Variants in ATP6V0A4 observed in about 807,000 individuals in gnomAD.
ATP6V0A4 encodes the protein ATPase H+ transporting V0 subunit a4.
In ATP6V0A4, 86 loss-of-function variants were observed where a neutral mutation model predicts 107.3. That is an observed-to-expected ratio of 0.80 (90% CI 0.67 to 0.96). ATP6V0A4 has a LOEUF of 0.96. Ranked by LOEUF, ATP6V0A4 falls within the 40% of genes least tolerant of loss-of-function variation. The probability of loss-of-function intolerance (pLI) is 0.00; values close to 1 mark genes in which losing one functional copy is unlikely to be tolerated. For synonymous variants in ATP6V0A4, 353 were observed against 381.4 expected (o/e 0.93, Z 0.87); for missense variants, 908 against 1,045.6 (o/e 0.87, Z 1.81).
chr7:138,746,108 A>G (rs1805941640), intron 13 of ATP6V0A4, among the ~76,000 whole-genome samples: 1 of 101,140 alleles, frequency 9.9e-6, no homozygotes, highest in Admixed American at 1.2e-4. Flanking sequence ...ACTGAAGTGC[A>G]AGCAAGGCCT....
intron 21 of ATP6V0A4, among the ~76,000 whole-genome samples, chr7:138,707,169 T>TA (rs1803430094): frequency 3.1e-5 from 2 of 64,472 alleles, no homozygotes; most frequent in South Asian, 7.0e-4. Flanking sequence ...TAATATATTA[T>TA]ATATATTATA....
chr7:138,722,008 G>A lies in ATP6V0A4; in HGVS notation c.2028C>T (p.Ile676=). 6.2e-7 allele frequency: 1 copy of A among 1,614,158 alleles called. No individual in the cohort carries two copies. Among genetic ancestry groups the A allele is most frequent in the Non-Finnish European group, 8.5e-7 (1 of 1,180,038 alleles). ...CAATGTTCTCAGTGGCATCTTCTTG[G>A]ATCCTGGATGCCTGCAGCTGACAAC... ...HRKSQLQASR[I]QEDATENIEG... The change falls in exon 19 of 22, where the codon ATC becomes ATT. Residue 676 remains isoleucine, a synonymous_variant. Coordinates refer to ENST00000310018, the MANE Select transcript of ATP6V0A4 (RefSeq NM_020632.3).
At chr7:138,741,227 C>T (rs1461709585) in intron 14 of ATP6V0A4, among the ~76,000 whole-genome samples, 2 of 152,098 alleles carry the variant, frequency 1.3e-5, no homozygotes, top group Non-Finnish European at 2.9e-5. Flanking sequence ...CCCAGAAATA[C>T]ACTCCCTCCC....
chr7:138,707,066 A>ATGTGTGTGTGTGTGTG lies in ATP6V0A4; in HGVS notation c.2430-350_2430-349insCACACACACACACACA, dbSNP rs1178080469. ...ATATACCACCATGCCTAGCTAATTT[A>ATGTGTGTGTGTGTGTG]TATGTGTGTGTGTGTGTGTGTGTGT... On this transcript the variant is annotated intron_variant, in intron 21 of 21. Coordinates refer to ENST00000310018, the MANE Select transcript of ATP6V0A4 (RefSeq NM_020632.3). 1.2e-4 allele frequency among the ~76,000 whole-genome samples: 6 copies of ATGTGTGTGTGTGTGTG among 51,116 alleles called. No individual in the cohort carries two copies. The South Asian group carries it at 1.6e-3, about 14-fold the overall frequency. The allele number at this position is 51,116 out of a possible 152,430, so 33.5% of individuals were successfully genotyped here. A position where few individuals can be genotyped will look rare whatever the true frequency, so the allele number is the denominator to read the frequency against.
chr7:138,774,661 A>G (rs1465134028), intron 2 of ATP6V0A4, among the ~76,000 whole-genome samples: 1 of 147,100 alleles, frequency 6.8e-6, no homozygotes, highest in African/African-American at 2.5e-5. Flanking sequence ...TATATATTAT[A>G]TATTATATAC....
chr7:138,753,403 T>G (rs1806334126), intron 10 of ATP6V0A4, among the ~76,000 whole-genome samples: 1 of 152,240 alleles, frequency 6.6e-6, no homozygotes. Context: ...TGCTGACGCC[T>G]TGATTTCAGA....
chr7:138,798,170 C>T lies in ATP6V0A4; in HGVS notation c.-257G>A, dbSNP rs1332475681. On this transcript the variant is annotated 5_prime_UTR_variant, in exon 1 of 22. The change creates a new upstream start codon in the 5' untranslated region. Transcript: ENST00000310018. ...TCAGCCTGGCCTTTGCCTCCCTCCA[C>T]TCGGCTTGCTCGGCAGGTAGCGTTA... The T allele has an allele frequency of 1.9e-6, 3 of 1,594,566 alleles. No individual in the cohort carries two copies. The highest frequency in any genetic ancestry group is 1.3e-5 in the African/African-American group (1 of 74,588).
Position 138,769,258 on chromosome 7 carries a change from G to T in ATP6V0A4, c.118-7C>A. 1 of 1,611,374 alleles carries T rather than the reference G, an allele frequency of 6.2e-7. No homozygotes were observed. On this transcript the variant is annotated splice_region_variant and splice_polypyrimidine_tract_variant and intron_variant, in intron 3 of 21. Transcript: ENST00000310018. ...TGTTCACATTCATATTTAACTATGG[G>T]GGCGAAAATCACAAGATACATGTTA...
At chr7:138,748,393 C>T (rs959495850) in intron 12 of ATP6V0A4, among the ~76,000 whole-genome samples, 2 of 152,002 alleles carry the variant, frequency 1.3e-5, no homozygotes, top group Admixed American at 1.3e-4. Flanking sequence ...TCTGGTCTAT[C>T]CTTTCATTTT....
At chr7:138,761,198 G>A (rs1434032272) in intron 7 of ATP6V0A4, among the ~76,000 whole-genome samples, 1 of 152,084 alleles carries the variant, frequency 6.6e-6, no homozygotes, top group Non-Finnish European at 1.5e-5. Flanking sequence ...AAATTAGCCT[G>A]GCATTGTGCC....
At chr7:138,725,364 T>C (rs1804654109) in intron 18 of ATP6V0A4, among the ~76,000 whole-genome samples, 1 of 152,158 alleles carries the variant, frequency 6.6e-6, no homozygotes, top group African/African-American at 2.4e-5. Flanking sequence ...AACACTGCAA[T>C]GTTGGATGAG....
In ATP6V0A4 at chr7:138,721,909, G is replaced by A. The variant is rs1804440686; in HGVS notation, c.2127C>T (p.Asp709=). The A allele has an allele frequency of 6.2e-7, 1 of 1,613,892 alleles. No individual in the cohort carries two copies. Among genetic ancestry groups the A allele is most frequent in the Non-Finnish European group, 8.5e-7 (1 of 1,179,988 alleles). ...TCGTCCCAGATACCTCTTCTCCATG[G>A]TCGTCCAGAGCCCCGTGGGTATCTG... ...TSADTHGALD[D]HGEEFNFGDV... The change falls in exon 19 of 22, where the codon GAC becomes GAT. Residue 709 remains aspartate (D), a synonymous_variant. Transcript: ENST00000310018.
intron 3 of ATP6V0A4, 43 bp from the exon 4 acceptor site, chr7:138,769,294 C>A: frequency 6.3e-7 from 1 of 1,576,448 alleles, no homozygotes. Flanking sequence ...GTAGCAACAG[C>A]TGCCAATAGA....
At chr7:138,734,575 G>C (rs572554461) in intron 15 of ATP6V0A4, among the ~76,000 whole-genome samples, 3 of 151,938 alleles carry the variant, frequency 2.0e-5, no homozygotes, top group Non-Finnish European at 4.4e-5. Context: ...TCAGGAGTTC[G>C]AGACCAGTCT....
rs1358544109 is a variant in ATP6V0A4 at position 138,749,322 on chromosome 7, A to T, written c.1030-5T>A. 7.3e-6 allele frequency: 1 copy of T among 137,222 alleles called. No individual in the cohort carries two copies. The highest frequency in any genetic ancestry group is 1.2e-5 in the Non-Finnish European group (1 of 81,888). 8.5% of individuals were successfully genotyped at this position (137,222 alleles called of 1,614,324 possible). A position where few individuals can be genotyped will look rare whatever the true frequency, so the allele number is the denominator to read the frequency against. On this transcript the variant is annotated splice_polypyrimidine_tract_variant and splice_region_variant and intron_variant, in intron 11 of 21. Coordinates refer to ENST00000310018, the MANE Select transcript of ATP6V0A4 (RefSeq NM_020632.3). The stretch of plus-strand genomic sequence containing the variant: ...CATGGAGGAGCCACTTAGTTCCTGG[A>T]AAAAAAAAAAAAAGCGACAAAGATG...
In ATP6V0A4 at chr7:138,773,454, A is replaced by G. The variant is rs756934725; in HGVS notation, c.-17-2190T>C. Among the ~76,000 whole-genome samples, 3 of 151,900 alleles carry G rather than the reference A, an allele frequency of 2.0e-5. No individual in the cohort carries two copies. The highest frequency in any genetic ancestry group is 4.4e-5 in the Non-Finnish European group (3 of 67,956). On this transcript the variant is annotated intron_variant, in intron 2 of 21. Coordinates refer to ENST00000310018, the MANE Select transcript of ATP6V0A4 (RefSeq NM_020632.3). This position sits in a 1 kb window ranked among gnomAD's most constrained non-coding sequence, Gnocchi z 5.4. Reference sequence around the variant, plus strand: ...CCCTCAAGGAGCTAAGCCCCCTCCTACATGCCCCCAGAAGAGCAATCATTT... The same window carrying G: ...CCCTCAAGGAGCTAAGCCCCCTCCTGCATGCCCCCAGAAGAGCAATCATTT...
chr7:138,752,587 G>T lies in ATP6V0A4; in HGVS notation c.1029+38C>A. ...CCTCTGAGAGCCCAGCAGAGGGGCTGACTCATCGGACCCCTCCTGGCTCCA... is the reference window on the plus strand; with the variant it reads ...CCTCTGAGAGCCCAGCAGAGGGGCTTACTCATCGGACCCCTCCTGGCTCCA... On this transcript the variant is annotated intron_variant, in intron 11 of 21. Coordinates refer to ENST00000310018, the MANE Select transcript of ATP6V0A4 (RefSeq NM_020632.3). The T allele has an allele frequency of 2.5e-6, 4 of 1,610,106 alleles. No individual in the cohort carries two copies. The South Asian group carries it at 3.3e-5, about 13-fold the overall frequency.
chr7:138,747,816 A>T, intron 12 of ATP6V0A4: 1 of 467,316 alleles, frequency 2.1e-6, no homozygotes, highest in South Asian at 2.2e-5. Context: ...GTGCAGTGGC[A>T]CAATCATGGC....
chr7:138,735,161 G>A (rs558863467), intron 15 of ATP6V0A4, among the ~76,000 whole-genome samples: 14 of 152,188 alleles, frequency 9.2e-5, no homozygotes, highest in Non-Finnish European at 1.9e-4. Flanking sequence ...GCTGGTGGGT[G>A]GAGGGGTTAG....
Sources: gnomAD v4.1 joint callset for allele counts (sites outside exome capture counted in the v4.1 genomes callset) on GRCh38, gnomAD v4.1.1 for gene constraint, Gnocchi (gnomAD v3.1) non-coding constraint, MANE v1.5 for transcripts, NCBI Gene and HGNC (gene_info 2026-07-23, HGNC 2026-07-21) for gene names.